The following USP32 variants were observed in gnomAD, a reference collection of about 807,000 sequenced individuals.
USP32 encodes the protein ubiquitin carboxyl-terminal hydrolase 32.
Under a neutral mutation model 204.8 loss-of-function variants are expected in USP32, and 59 were observed. The ratio of observed to expected loss-of-function variants is 0.29; its 90% CI spans 0.23 to 0.36. The LOEUF (loss-of-function observed/expected upper bound fraction) is 0.36, where lower values mean the gene tolerates loss of function less well. USP32 is among the 10% of genes least tolerant of loss of function. The pLI, the probability that USP32 is intolerant of heterozygous loss-of-function variation, is 1.00. For synonymous variants in USP32, 517 were observed against 678.4 expected, an observed-to-expected ratio of 0.76 and a Z score of 3.70; for missense variants, 1,160 against 1,946.4, an observed-to-expected ratio of 0.60 and a Z score of 7.60.
intron 24 of USP32, 137 bp downstream of exon 24, chr17:60,207,922 T>TTTG (rs984722880): frequency 7.0e-7 from 1 of 1,437,046 alleles, no homozygotes; most frequent in South Asian, 1.6e-5. Flanking sequence ...CTTGGCATTT[T>TTTG]TTGTTGTTGT....
chr17:60,208,595 C>T (rs1164679243), intron 23 of USP32, 59 bp downstream of exon 23: 1 of 1,448,524 alleles, frequency 6.9e-7, no homozygotes, highest in Non-Finnish European at 9.1e-7. Context: ...CAAATTCAGG[C>T]TATTTAAATA....
intron 1 of USP32, among the ~76,000 whole-genome samples, chr17:60,405,533 G>A (rs1001713930): frequency 2.0e-5 from 3 of 152,066 alleles, no homozygotes; most frequent in African/African-American, 4.8e-5. Context: ...AAAATCATGC[G>A]GTTGAATTGC....
intron 1 of USP32, among the ~76,000 whole-genome samples, chr17:60,415,865 A>T (rs558026905): frequency 1.3e-5 from 2 of 152,014 alleles, no homozygotes; most frequent in South Asian, 4.2e-4. Context: ...TTTGAGATTG[A>T]GTCTCACTCT....
intron 2 of USP32, among the ~76,000 whole-genome samples, chr17:60,310,974 T>G (rs966379353): frequency 6.6e-6 from 1 of 152,158 alleles, no homozygotes. Context: ...GAGAGTAGAT[T>G]GGTGGTTACC....
chr17:60,230,472 A>G (rs1241206836), intron 12 of USP32, among the ~76,000 whole-genome samples: 1 of 152,240 alleles, frequency 6.6e-6, no homozygotes, highest in East Asian at 1.9e-4. Context: ...GATGATTCTA[A>G]TAACTTCTCA....
intron 16 of USP32, among the ~76,000 whole-genome samples, chr17:60,216,291 CA>C (rs4047751): frequency 0.34 from 38,200 of 112,176 alleles, 8,028 homozygotes; most frequent in African/African-American, 0.64. Flanking sequence ...AGAGAGGTGG[CA>C]AAAAAAAAAA....
At chr17:60,337,910 G>A (rs556542229) in intron 2 of USP32, among the ~76,000 whole-genome samples, 3 of 151,956 alleles carry the variant, frequency 2.0e-5, no homozygotes, top group East Asian at 3.9e-4. Context: ...TAGACAAGAC[G>A]TACATGAACA....
intron 13 of USP32, among the ~76,000 whole-genome samples, chr17:60,225,249 T>C (rs1486553319): frequency 1.3e-5 from 2 of 151,758 alleles, no homozygotes; most frequent in Non-Finnish European, 2.9e-5. Flanking sequence ...GCCTGGGAGT[T>C]TGAGACCAGC....
In USP32 at chr17:60,391,876, C is replaced by T. The variant is rs757344444; in HGVS notation, c.58+6G>A. ...AGGCAGCTCGCCCAGACCCCTCCCC[C>T]CTCACCTCTCCTCAGCGCCTCCTCG... is the stretch of plus-strand genomic sequence containing the variant. On this transcript the variant is annotated splice_donor_region_variant and intron_variant, in intron 1 of 33. Coordinates refer to ENST00000300896, the MANE Select transcript of USP32 (RefSeq NM_032582.4). 3.1e-6 allele frequency: 5 copies of T among 1,610,250 alleles called. No individual in the cohort carries two copies. Among genetic ancestry groups the T allele is most frequent in the Non-Finnish European group, 4.2e-6 (5 of 1,178,566 alleles).
intron 1 of USP32, among the ~76,000 whole-genome samples, chr17:60,374,186 A>C (rs966042012): frequency 1.0e-4 from 15 of 150,600 alleles, no homozygotes; most frequent in African/African-American, 3.6e-4. Flanking sequence ...TCTGTCTCCA[A>C]AAAAAAAAGA....
At chr17:60,216,032 T>C (rs2085092635) in intron 16 of USP32, among the ~76,000 whole-genome samples, 1 of 152,156 alleles carries the variant, frequency 6.6e-6, no homozygotes, top group South Asian at 2.1e-4. Flanking sequence ...AGTTTCAAAT[T>C]GAAGCCAAGA....
chr17:60,298,990 G>A (rs1007817088), intron 3 of USP32, among the ~76,000 whole-genome samples: 4 of 152,060 alleles, frequency 2.6e-5, no homozygotes, highest in African/African-American at 4.8e-5. Context: ...AAATTAGCTA[G>A]GCATGGTGGC....
At chr17:60,245,317 G>T in intron 11 of USP32, 1 of 348,316 alleles carries the variant, frequency 2.9e-6, no homozygotes, top group South Asian at 2.4e-5. Context: ...GCTGGCATTG[G>T]GATTGGTGAC....
At chr17:60,376,599 T>C (rs375351066) in intron 1 of USP32, among the ~76,000 whole-genome samples, 7 of 151,854 alleles carry the variant, frequency 4.6e-5, no homozygotes, top group South Asian at 2.1e-4. Context: ...TCTTGGCTCA[T>C]TGCAACCTCT....
intron 1 of USP32, among the ~76,000 whole-genome samples, chr17:60,365,247 G>A (rs749616217): frequency 5.3e-5 from 8 of 152,064 alleles, no homozygotes; most frequent in Non-Finnish European, 8.8e-5. Flanking sequence ...TTGGGAGGCC[G>A]AGGCGGGTGG....
chr17:60,236,323 T>C lies in USP32; in HGVS notation c.1137-83A>G. 3.4e-6 allele frequency: 4 copies of C among 1,184,600 alleles called. No homozygotes were observed. The South Asian group carries it at 5.1e-5, about 15-fold the overall frequency. The allele number at this position is 1,184,600 out of a possible 1,614,324, so 73.4% of individuals were successfully genotyped here. On this transcript the variant is annotated intron_variant, in intron 11 of 33. Coordinates refer to ENST00000300896, the MANE Select transcript of USP32 (RefSeq NM_032582.4). The stretch of plus-strand genomic sequence containing the variant: ...ACAAAAATTATCATTAGAAGTTTTA[T>C]AAGGAAAACCGCGAAACATTTAGAT...
At chr17:60,348,815 C>T (rs187834978) in intron 1 of USP32, among the ~76,000 whole-genome samples, 25 of 151,794 alleles carry the variant, frequency 1.6e-4, no homozygotes, top group African/African-American at 5.8e-4. Flanking sequence ...CAGTTAATCA[C>T]TTTGATAAAT....
intron 1 of USP32, among the ~76,000 whole-genome samples, chr17:60,417,523 G>A (rs1214884542): frequency 6.7e-6 from 1 of 148,200 alleles, no homozygotes; most frequent in Non-Finnish European, 1.5e-5. Flanking sequence ...CCATGATCTC[G>A]GCTCACTACA....
rs182311129 is a variant in USP32, at chr17:60,288,063, G to A, written c.571+460C>T. On this transcript the variant is annotated intron_variant, in intron 5 of 33. Coordinates refer to ENST00000300896, the MANE Select transcript of USP32 (RefSeq NM_032582.4). ...CGGGAGGTGGAGATTGCAGTGAGCC[G>A]AGATCACACCACTGTACTCGAGGCT... 6.9e-4 allele frequency among the ~76,000 whole-genome samples: 90 copies of A among 130,610 alleles called. 1 individual carries two copies. In the East Asian group the frequency reaches 0.019, roughly 28 times the overall value. The allele number at this position is 130,610 out of a possible 152,430, so 85.7% of individuals were successfully genotyped here. A position where few individuals can be genotyped will look rare whatever the true frequency, so the allele number is the denominator to read the frequency against.
Sources: gnomAD v4.1 joint callset for allele counts (sites outside exome capture counted in the v4.1 genomes callset) on GRCh38, gnomAD v4.1.1 for gene constraint, MANE v1.5 for transcripts, NCBI Gene and HGNC (gene_info 2026-07-23, HGNC 2026-07-21) for gene names.